The following MGAM2 variants were observed in gnomAD, a reference collection of about 807,000 sequenced individuals.
MGAM2 encodes probable maltase-glucoamylase 2.
Under a neutral mutation model 96.1 loss-of-function variants are expected in MGAM2, and 98 were observed. The ratio of observed to expected loss-of-function variants is 1.02; its 90% CI spans 0.87 to 1.21. MGAM2 has a LOEUF of 1.21. MGAM2 is among the 50% of genes most tolerant of loss of function. The pLI, the probability that MGAM2 is intolerant of heterozygous loss-of-function variation, is 0.00. For missense variants in MGAM2, 2,055 were observed against 1,182.4 expected (o/e 1.74, Z -10.82); for synonymous variants, 749 against 414.8 (o/e 1.81, Z -9.79).
intron 36 of MGAM2, among the ~76,000 whole-genome samples, chr7:142,188,103 C>T (rs1796756267): frequency 8.7e-6 from 1 of 115,494 alleles, no homozygotes; most frequent in Non-Finnish European, 1.8e-5. Context: ...TTTAAATAAA[C>T]CCTTAAACAC....
rs1444569526 is a variant in MGAM2 at position 142,183,140 on chromosome 7, TTTCA to T, written c.3817-123_3817-120del. The T allele has an allele frequency of 5.0e-6, 3 of 594,238 alleles. No individual in the cohort carries two copies. The African/African-American group carries it at 5.6e-5, about 11-fold the overall frequency. 36.8% of individuals were successfully genotyped at this position (594,238 alleles called of 1,614,324 possible). A position where few individuals can be genotyped will look rare whatever the true frequency, so the allele number is the denominator to read the frequency against. On this transcript the variant is annotated intron_variant, in intron 32 of 47. Coordinates refer to ENST00000477922, the MANE Select transcript of MGAM2 (RefSeq NM_001293626.2). The stretch of plus-strand genomic sequence containing the variant: ...CAAATTATCAATGATTTTTATTTTA[TTTCA>T]TTTTATTTTTGGTATTGAGATTCAC...
intron 6 of MGAM2, among the ~76,000 whole-genome samples, chr7:142,132,767 TATATA>T (rs957262703): frequency 7.2e-5 from 9 of 125,326 alleles, no homozygotes; most frequent in African/African-American, 2.2e-4. Flanking sequence ...AATATATAAT[TATATA>T]ATATAATATA....
chr7:142,208,366 G>A, intron 45 of MGAM2: 1 of 652,972 alleles, frequency 1.5e-6, no homozygotes, highest in Non-Finnish European at 2.8e-6. Context: ...GACCTCCCCG[G>A]CAAGGTACCC....
chr7:142,146,381 C>A (rs1795387635), intron 14 of MGAM2, among the ~76,000 whole-genome samples: 1 of 152,094 alleles, frequency 6.6e-6, no homozygotes, highest in Non-Finnish European at 1.5e-5. Context: ...ATGCCACACA[C>A]CAAGCTGTGC....
chr7:142,135,644 G>A (rs1292232054), intron 7 of MGAM2, among the ~76,000 whole-genome samples: 1 of 151,614 alleles, frequency 6.6e-6, no homozygotes, highest in African/African-American at 2.4e-5. Flanking sequence ...CTAAGATGAT[G>A]ATACTGTCAC....
At chr7:142,120,259 T>C (rs535284852) in intron 2 of MGAM2, 43 bp from the exon 3 acceptor site, 1 of 700,616 alleles carries the variant, frequency 1.4e-6, no homozygotes, top group South Asian at 1.5e-5. Context: ...GGAGCTGTGA[T>C]TACACTACAC....
intron 46 of MGAM2, among the ~76,000 whole-genome samples, chr7:142,217,972 T>A (rs1009508695): frequency 2.0e-5 from 3 of 152,108 alleles, no homozygotes; most frequent in African/African-American, 7.2e-5. Context: ...TAGTCCCAGC[T>A]GCTTAGGAGG....
rs1485137984 is a variant in MGAM2 at position 142,197,629 on chromosome 7, G to A, written c.4782-15G>A. 1 of 702,910 alleles carries A rather than the reference G, an allele frequency of 1.4e-6. No individual in the cohort carries two copies. The highest frequency in any genetic ancestry group is 2.0e-5 in the Admixed American group (1 of 49,994). The allele number at this position is 702,910 out of a possible 1,614,324, so 43.5% of individuals were successfully genotyped here. ...ATAAGAGGATAGGTGAATTTTTCCT[G>A]TTTATTTTTTTAAGGTTTACGGATG... is the stretch of plus-strand genomic sequence containing the variant. On this transcript the variant is annotated splice_polypyrimidine_tract_variant and intron_variant, in intron 41 of 47. Coordinates refer to ENST00000477922, the MANE Select transcript of MGAM2 (RefSeq NM_001293626.2).
intron 15 of MGAM2, 92 bp from the exon 16 acceptor site, chr7:142,153,926 T>A (rs1473054870): frequency 2.1e-6 from 1 of 486,186 alleles, no homozygotes; most frequent in Admixed American, 3.1e-5. Context: ...TTTTCTCAGT[T>A]TGGTTAGAAA....
intron 32 of MGAM2, among the ~76,000 whole-genome samples, chr7:142,179,951 T>C (rs898835163): frequency 1.3e-5 from 2 of 152,152 alleles, no homozygotes; most frequent in Non-Finnish European, 2.9e-5. Flanking sequence ...TCTTTGTACA[T>C]CTAGTAGGAT....
intron 2 of MGAM2, among the ~76,000 whole-genome samples, chr7:142,117,460 C>T (rs1183421837): frequency 6.6e-6 from 1 of 152,154 alleles, no homozygotes; most frequent in African/African-American, 2.4e-5. Flanking sequence ...CTCTCAGGCA[C>T]CCAGAAGCAT....
chr7:142,207,449 G>C (rs996960243), intron 45 of MGAM2, among the ~76,000 whole-genome samples: 1 of 151,276 alleles, frequency 6.6e-6, no homozygotes, highest in African/African-American at 2.4e-5. Context: ...TTTTTGAGAC[G>C]GAGTCTCACT....
In MGAM2 at chr7:142,220,527, A is replaced by G; in HGVS notation, c.6016A>G (p.Thr2006Ala). The G allele has an allele frequency of 1.4e-6, 1 of 702,124 alleles. No homozygotes were observed. Among genetic ancestry groups the G allele is most frequent in the Non-Finnish European group, 2.6e-6 (1 of 384,788 alleles). 43.5% of individuals were successfully genotyped at this position (702,124 alleles called of 1,614,324 possible). A position where few individuals can be genotyped will look rare whatever the true frequency, so the allele number is the denominator to read the frequency against. The change falls in exon 48 of 48, where the codon ACA becomes GCA. Residue 2006 changes from threonine (T) to alanine (A), a missense_variant. By Grantham distance (58) the Thr-to-Ala change is moderately conservative (BLOSUM62 0). Coordinates refer to ENST00000477922, the MANE Select transcript of MGAM2 (RefSeq NM_001293626.2). The stretch of plus-strand genomic sequence containing the variant: ...TCCTGATACAACTGCTCCTTTCCCT[A>G]CAAGTACTACTAGTGCTAGCACTAA... ...TVPDTTAPFP[T>A]STTSASTNAT...
intron 35 of MGAM2, 40 bp from the exon 36 acceptor site, chr7:142,187,710 C>A: frequency 1.4e-6 from 1 of 699,786 alleles, no homozygotes; most frequent in Non-Finnish European, 2.6e-6. Flanking sequence ...GCCATCCTGC[C>A]CCTGACATGA....
intron 47 of MGAM2, among the ~76,000 whole-genome samples, chr7:142,219,311 G>C (rs953603251): frequency 2.0e-5 from 3 of 152,140 alleles, no homozygotes; most frequent in African/African-American, 7.2e-5. Context: ...TGGCCCCTCT[G>C]AGCACTCAAA....
chr7:142,198,752 G>A lies in MGAM2; in HGVS notation c.5048+13G>A. 1.4e-6 allele frequency: 1 copy of A among 702,590 alleles called. No homozygotes were observed. Among genetic ancestry groups the A allele is most frequent in the Non-Finnish European group, 2.6e-6 (1 of 384,558 alleles). 43.5% of individuals were successfully genotyped at this position (702,590 alleles called of 1,614,324 possible). A position where few individuals can be genotyped will look rare whatever the true frequency, so the allele number is the denominator to read the frequency against. On this transcript the variant is annotated intron_variant, in intron 44 of 47. Coordinates refer to ENST00000477922, the MANE Select transcript of MGAM2 (RefSeq NM_001293626.2). ...ACACTCACTCCAGGTGAGGAGAAGAGGCAATGTCTAACAGCCTCTTGCTAT... is the reference window on the plus strand; with the variant it reads ...ACACTCACTCCAGGTGAGGAGAAGAAGCAATGTCTAACAGCCTCTTGCTAT...
At chr7:142,172,880 T>G (rs1401149586) in intron 30 of MGAM2, 116 bp downstream of exon 30, 2 of 570,576 alleles carry the variant, frequency 3.5e-6, no homozygotes, top group Non-Finnish European at 6.2e-6. Context: ...ACTACTAGAT[T>G]ATTACTGCCT....
At chr7:142,194,969 CTAAGG>C (rs1796986012) in intron 37 of MGAM2, among the ~76,000 whole-genome samples, 1 of 152,014 alleles carries the variant, frequency 6.6e-6, no homozygotes, top group Non-Finnish European at 1.5e-5. Flanking sequence ...TTGTTATTTT[CTAAGG>C]GTGCGTGCAG....
chr7:142,187,882 C>A (rs1027410611), intron 36 of MGAM2, 48 bp downstream of exon 36: 7 of 686,894 alleles, frequency 1.0e-5, no homozygotes, highest in East Asian at 5.4e-5. Context: ...CTCAAAGACT[C>A]CAAAAGTTTT....
Sources: gnomAD v4.1 joint callset for allele counts (sites outside exome capture counted in the v4.1 genomes callset) on GRCh38, gnomAD v4.1.1 for gene constraint, MANE v1.5 for transcripts, NCBI Gene and HGNC (gene_info 2026-07-23, HGNC 2026-07-21) for gene names.